SNTG2: variants seen among roughly 807,000 people sequenced by gnomAD.
SNTG2 encodes syntrophin gamma 2, also known as gamma-2-syntrophin.
SNTG2 carries 74 observed loss-of-function variants against 70.9 expected under a neutral mutation model. The observed-to-expected ratio is 1.04, with a 90% CI of 0.86 to 1.27. The LOEUF is 1.27. Among genes scored for constraint, SNTG2 ranks in the 50% most tolerant of loss-of-function variants. SNTG2 has a pLI of 0.00. For missense variants in SNTG2, 717 were observed against 690.7 expected (o/e 1.04, Z -0.43); for synonymous variants, 278 against 273.8 (o/e 1.02, Z -0.15).
intron 8 of SNTG2, among the ~76,000 whole-genome samples, chr2:1,197,270 A>G (rs1372184843): frequency 6.6e-6 from 1 of 152,036 alleles, no homozygotes; most frequent in Non-Finnish European, 1.5e-5. Flanking sequence ...AAGTGAAGGA[A>G]TAGAAAAAGC....
At chr2:1,275,940 G>A (rs1031859496) in intron 14 of SNTG2, among the ~76,000 whole-genome samples, 7 of 152,320 alleles carry the variant, frequency 4.6e-5, no homozygotes, top group South Asian at 4.1e-4. Flanking sequence ...CAAGATCAAC[G>A]TGCTGAATAA....
intron 1 of SNTG2, among the ~76,000 whole-genome samples, chr2:1,062,213 C>T (rs1662870884): frequency 3.9e-5 from 6 of 152,134 alleles, no homozygotes; most frequent in Admixed American, 3.9e-4. Flanking sequence ...CTCTGATGGC[C>T]ACGTTTGTCA....
rs548938383 is a variant in SNTG2 at position 1,003,156 on chromosome 2, G to T, written c.72+52088G>T. Among the ~76,000 whole-genome samples, 260 of 152,160 alleles carry T rather than the reference G, an allele frequency of 1.7e-3. 4 individuals carry two copies. The South Asian group carries it at 0.019, about 11-fold the overall frequency. ...TCATGGGCACAATGTAAACTCTCTG[G>T]CTGATAGCTACACTAAAAGCCTGCA... On this transcript the variant is annotated intron_variant, in intron 1 of 16. Coordinates refer to ENST00000308624, the MANE Select transcript of SNTG2 (RefSeq NM_018968.4).
intron 9 of SNTG2, among the ~76,000 whole-genome samples, chr2:1,227,098 A>G (rs547766357): frequency 6.6e-6 from 1 of 152,344 alleles, no homozygotes; most frequent in East Asian, 1.9e-4. Flanking sequence ...TGTATTTTAA[A>G]TCAGTGTTTA....
At chr2:1,057,779 A>G (rs774167798) in intron 1 of SNTG2, among the ~76,000 whole-genome samples, 43 of 152,088 alleles carry the variant, frequency 2.8e-4, no homozygotes, top group Non-Finnish European at 5.9e-4. Flanking sequence ...ATGCCTCTAA[A>G]TGTGCACAGG....
At chr2:1,240,851 CATAG>C (rs1164080643) in intron 11 of SNTG2, among the ~76,000 whole-genome samples, 5 of 152,138 alleles carry the variant, frequency 3.3e-5, no homozygotes, top group African/African-American at 1.2e-4. Flanking sequence ...TTTTTGTTTA[CATAG>C]ATATTTTATG....
intron 9 of SNTG2, among the ~76,000 whole-genome samples, chr2:1,211,001 TAA>T (rs997179120): frequency 5.3e-5 from 8 of 152,188 alleles, no homozygotes; most frequent in African/African-American, 1.9e-4. Context: ...TCCCCATCAT[TAA>T]GTAACATCTG....
chr2:994,677 A>G (rs552078850), intron 1 of SNTG2, among the ~76,000 whole-genome samples: 1 of 152,104 alleles, frequency 6.6e-6, no homozygotes, highest in South Asian at 2.1e-4. Context: ...ATTGCCTTCA[A>G]TCCATGAACA....
At chr2:1,247,260 C>T in intron 11 of SNTG2, 67 bp from the exon 12 acceptor site, 1 of 980,216 alleles carries the variant, frequency 1.0e-6, no homozygotes. Context: ...TGCTCATGTG[C>T]TTAACTCTGC....
intron 1 of SNTG2, among the ~76,000 whole-genome samples, chr2:996,375 G>T (rs1455996831): frequency 1.3e-5 from 2 of 152,002 alleles, no homozygotes; most frequent in African/African-American, 4.8e-5. Context: ...AGAATTCCTA[G>T]GATTTCTGAT....
Position 974,353 on chromosome 2 carries a change from C to T in SNTG2, c.72+23285C>T, listed in dbSNP as rs558809138. 7.9e-5 allele frequency among the ~76,000 whole-genome samples: 12 copies of T among 152,322 alleles called. No homozygotes were observed. The South Asian group carries it at 1.0e-3, about 13-fold the overall frequency. ...GGGGCAGAAGGACAGGGCCTCCCCACGAGTGTTCCCCCACAGGAAGCTGCA... is the reference window on the plus strand; with the variant it reads ...GGGGCAGAAGGACAGGGCCTCCCCATGAGTGTTCCCCCACAGGAAGCTGCA... On this transcript the variant is annotated intron_variant, in intron 1 of 16. Coordinates refer to ENST00000308624, the MANE Select transcript of SNTG2 (RefSeq NM_018968.4).
chr2:1,199,571 A>T (rs976352296), intron 8 of SNTG2, among the ~76,000 whole-genome samples: 2 of 152,100 alleles, frequency 1.3e-5, no homozygotes, highest in African/African-American at 4.8e-5. Flanking sequence ...GAAAAATAGG[A>T]AGTTAAATTG....
intron 1 of SNTG2, among the ~76,000 whole-genome samples, chr2:985,998 G>A (rs1661301194): frequency 6.6e-6 from 1 of 151,452 alleles, no homozygotes; most frequent in Admixed American, 6.6e-5. Context: ...AAGGAAGAGG[G>A]GAGAGGGATT....
chr2:1,115,506 C>T (rs528772264), intron 4 of SNTG2, among the ~76,000 whole-genome samples: 13 of 152,140 alleles, frequency 8.5e-5, no homozygotes, highest in Non-Finnish European at 1.6e-4. Context: ...CCCTTACAGT[C>T]CTTTGAGGAG....
chr2:1,326,179 T>G (rs1264014812), intron 16 of SNTG2, among the ~76,000 whole-genome samples: 2 of 152,174 alleles, frequency 1.3e-5, no homozygotes, highest in South Asian at 4.1e-4. Context: ...TTGGTACATA[T>G]ATTTATAATA....
intron 12 of SNTG2, among the ~76,000 whole-genome samples, 185 bp from the exon 13 acceptor site, chr2:1,259,185 A>G (rs1678283358): frequency 6.6e-6 from 1 of 152,244 alleles, no homozygotes. Flanking sequence ...ACTGACAAAG[A>G]TGAGGATGTG....
At chr2:995,274 G>A (rs1263558333) in intron 1 of SNTG2, among the ~76,000 whole-genome samples, 1 of 152,016 alleles carries the variant, frequency 6.6e-6, no homozygotes, top group Non-Finnish European at 1.5e-5. Flanking sequence ...TATCATGAAA[G>A]GCTGTTGGAT....
At chr2:1,333,673 A>C (rs905108076) in intron 16 of SNTG2, among the ~76,000 whole-genome samples, 1 of 152,204 alleles carries the variant, frequency 6.6e-6, no homozygotes, top group Non-Finnish European at 1.5e-5. Flanking sequence ...AGCATACAAA[A>C]ACATAAATTG....
chr2:1,161,972 G>A (rs1670326237), intron 6 of SNTG2, among the ~76,000 whole-genome samples: 1 of 150,766 alleles, frequency 6.6e-6, no homozygotes, highest in Non-Finnish European at 1.5e-5. Context: ...TACTTGGGAG[G>A]CTGAGGCAGG....
Sources: allele counts gnomAD v4.1 joint callset (sites outside exome capture counted in the v4.1 genomes callset), GRCh38; gene constraint gnomAD v4.1.1; transcripts MANE v1.5; gene names NCBI Gene and HGNC (gene_info 2026-07-23, HGNC 2026-07-21).